The following PPP6R2 variants were observed in gnomAD, a reference collection of about 807,000 sequenced individuals.
PPP6R2 encodes the protein serine/threonine-protein phosphatase 6 regulatory subunit 2.
Under a neutral mutation model 100.2 loss-of-function variants are expected in PPP6R2, and 62 were observed. The observed-to-expected ratio is 0.62, with a 90% CI of 0.50 to 0.76. The LOEUF (loss-of-function observed/expected upper bound fraction) is 0.76, where lower values mean the gene tolerates loss of function less well. Among genes scored for constraint, PPP6R2 ranks in the 30% least tolerant of loss-of-function variants. The pLI is 0.00. For synonymous variants in PPP6R2, 525 were observed against 514.7 expected (o/e 1.02, Z -0.27); for missense variants, 1,142 against 1,276.3 (o/e 0.89, Z 1.60).
intron 1 of PPP6R2, among the ~76,000 whole-genome samples, chr22:50,363,439 T>G (rs540398128): frequency 6.6e-5 from 10 of 152,380 alleles, no homozygotes; most frequent in African/African-American, 2.4e-4. Context: ...TAGAGCAAGC[T>G]TCCTTTTTTT....
intron 2 of PPP6R2, among the ~76,000 whole-genome samples, chr22:50,387,670 G>A (rs1463440975): frequency 2.6e-5 from 4 of 152,166 alleles, no homozygotes; most frequent in Admixed American, 6.6e-5. Context: ...TTTCCATGGC[G>A]TTAATACTCC....
rs1364637039 is a variant in PPP6R2, at chr22:50,437,571, TGAG to T, written c.1753_1755del (p.Glu585del). 8.1e-6 allele frequency: 13 copies of T among 1,606,606 alleles called. No individual in the cohort carries two copies. Among genetic ancestry groups the T allele is most frequent in the Admixed American group, 3.4e-5 (2 of 59,342 alleles). ...TCGTGGATCAGTTTGGCTTCAATGA[TGAG>T]GAGTTTGCCGACCAGGACGACAACA... On this transcript the variant is annotated inframe_deletion, in exon 16 of 24. Transcript: ENST00000612753.
intron 2 of PPP6R2, among the ~76,000 whole-genome samples, chr22:50,386,132 TTTTTGTTTTG>T (rs1300100118): frequency 6.7e-6 from 1 of 148,288 alleles, no homozygotes; most frequent in Non-Finnish European, 1.5e-5. Context: ...GACAAGGTTT[TTTTTGTTTTG>T]TTTTGTTTTG....
upstream of PPP6R2, among the ~76,000 whole-genome samples, chr22:50,338,567 G>GA: frequency 9.0e-6 from 1 of 111,604 alleles, no homozygotes; most frequent in African/African-American, 4.8e-5. Context: ...TGTAGTGTGT[G>GA]TGTTTGGTGT....
At chr22:50,346,710 C>T (rs554237335) in intron 1 of PPP6R2, among the ~76,000 whole-genome samples, 135 of 148,776 alleles carry the variant, frequency 9.1e-4, no homozygotes, top group Admixed American at 2.5e-3. Flanking sequence ...TCTGTCAGTC[C>T]GCGCACTGGT....
At chr22:50,390,948 G>A (rs8136292) in intron 2 of PPP6R2, among the ~76,000 whole-genome samples, 33 of 148,720 alleles carry the variant, frequency 2.2e-4, no homozygotes, top group African/African-American at 7.9e-4. Context: ...GCAGTGAGCC[G>A]AGGTCGTGCC....
intron 3 of PPP6R2, among the ~76,000 whole-genome samples, chr22:50,401,011 C>T (rs2057924531): frequency 1.3e-5 from 2 of 151,986 alleles, no homozygotes; most frequent in Non-Finnish European, 2.9e-5. Context: ...TGAGAGACTT[C>T]TTCATCTTTT....
At chr22:50,364,477 T>C (rs138278485) in intron 1 of PPP6R2, among the ~76,000 whole-genome samples, 27 of 152,312 alleles carry the variant, frequency 1.8e-4, no homozygotes, top group African/African-American at 6.5e-4. Flanking sequence ...TAGTGTTTGT[T>C]AAGTCTCATC....
Position 50,443,923 on chromosome 22 carries a change from G to A in PPP6R2, c.2637G>A (p.Val879=). ...CTGCCTGCCCCGCGCCAAAGGAAGT[G>A]ACTGCTGCCCCAGCCGTGGCTGTGC... ...LSPACPAPKE[V]TAAPAVAVPP... Residue 879 remains valine (V), a synonymous_variant, in exon 23 of 24, where the codon GTG becomes GTA. Transcript: ENST00000612753. 3 of 1,602,430 alleles carry A rather than the reference G, an allele frequency of 1.9e-6. No individual in the cohort carries two copies. The highest frequency in any genetic ancestry group is 2.6e-6 in the Non-Finnish European group (3 of 1,174,914).
At chr22:50,439,138 G>A (rs1255402948) in intron 19 of PPP6R2, among the ~76,000 whole-genome samples, 1 of 152,210 alleles carries the variant, frequency 6.6e-6, no homozygotes, top group Non-Finnish European at 1.5e-5. Context: ...GCAGGAGCCA[G>A]TCCACCTCAC....
intron 12 of PPP6R2, among the ~76,000 whole-genome samples, 200 bp from the exon 13 acceptor site, chr22:50,434,766 G>A (rs564629173): frequency 1.4e-5 from 2 of 138,884 alleles, no homozygotes; most frequent in African/African-American, 5.8e-5. Context: ...AGGAGGGCCG[G>A]GGGCATGGAT....
chr22:50,387,873 G>A (rs2054566319), intron 2 of PPP6R2, among the ~76,000 whole-genome samples: 1 of 152,148 alleles, frequency 6.6e-6, no homozygotes, highest in African/African-American at 2.4e-5. Context: ...GCCTTTATGT[G>A]GAATAACTTA....
rs140384014 is a variant in PPP6R2 at position 50,395,320 on chromosome 22, G to A, written c.227+1185G>A. On this transcript the variant is annotated intron_variant, in intron 3 of 23. Coordinates refer to ENST00000612753, the MANE Select transcript of PPP6R2 (RefSeq NM_001242898.2). ...GGGGCAGTGTGGCGAGATGGCTGGAGCCTCAGGGCCTTGAGTCAGGACAGA... is the reference window on the plus strand; with the variant it reads ...GGGGCAGTGTGGCGAGATGGCTGGAACCTCAGGGCCTTGAGTCAGGACAGA... Among the ~76,000 whole-genome samples, 293 of 152,318 alleles carry A rather than the reference G, an allele frequency of 1.9e-3. 1 individual carries two copies. Among genetic ancestry groups the A allele is most frequent in the Middle Eastern group, 6.8e-3 (2 of 294 alleles).
At chr22:50,362,889 C>T (rs570535646) in intron 1 of PPP6R2, among the ~76,000 whole-genome samples, 4 of 152,284 alleles carry the variant, frequency 2.6e-5, no homozygotes, top group African/African-American at 9.6e-5. Context: ...TAATTGTCTG[C>T]TGTTGAAGGT....
intron 1 of PPP6R2, among the ~76,000 whole-genome samples, chr22:50,358,179 C>T (rs2047013813): frequency 6.6e-6 from 1 of 152,092 alleles, no homozygotes; most frequent in Non-Finnish European, 1.5e-5. Context: ...TGTTCTTTAA[C>T]TCCTGACCTC....
chr22:50,339,833 G>C (rs2042350789), upstream of PPP6R2, among the ~76,000 whole-genome samples: 1 of 43,236 alleles, frequency 2.3e-5, no homozygotes, highest in Non-Finnish European at 3.8e-5. Context: ...TATGTAGTGT[G>C]TGTGGTGTGT....
At chr22:50,332,184 A>G in the PPP6R2 span, among the ~76,000 whole-genome samples, 1 of 151,896 alleles carries the variant, frequency 6.6e-6, no homozygotes, top group Non-Finnish European at 1.5e-5. Flanking sequence ...AAATGTCTTA[A>G]CCTAAGGTCC....
chr22:50,373,967 C>G (rs887245520), intron 2 of PPP6R2, among the ~76,000 whole-genome samples: 4 of 152,070 alleles, frequency 2.6e-5, no homozygotes, highest in African/African-American at 9.7e-5. Flanking sequence ...TTCCTGACCT[C>G]AAGCAATCCA....
intron 1 of PPP6R2, among the ~76,000 whole-genome samples, chr22:50,366,063 A>G (rs2048705145): frequency 6.6e-6 from 1 of 152,068 alleles, no homozygotes; most frequent in Non-Finnish European, 1.5e-5. Flanking sequence ...TTGTGTTCCT[A>G]TAAATATTCT....
Sources: allele counts gnomAD v4.1 joint callset (sites outside exome capture counted in the v4.1 genomes callset), GRCh38; gene constraint gnomAD v4.1.1; transcripts MANE v1.5; gene names NCBI Gene and HGNC (gene_info 2026-07-23, HGNC 2026-07-21).